KCNJ6: variants seen among roughly 807,000 people sequenced by gnomAD.
KCNJ6 encodes the protein G protein-activated inward rectifier potassium channel 2.
In KCNJ6, 9 loss-of-function variants were observed where a neutral mutation model predicts 34.2. That is an observed-to-expected ratio of 0.26 (90% CI 0.16 to 0.46). The LOEUF (loss-of-function observed/expected upper bound fraction) is 0.46, where lower values mean the gene tolerates loss of function less well. Among genes scored for constraint, KCNJ6 ranks in the 20% least tolerant of loss-of-function variants. The pLI, the probability that KCNJ6 is intolerant of heterozygous loss-of-function variation, is 1.00. For missense variants in KCNJ6, 236 were observed against 531.3 expected (o/e 0.44, Z 5.46); for synonymous variants, 196 against 207.1 (o/e 0.95, Z 0.46).
At position 37,619,641 on chromosome 21, in the gene KCNJ6, T is replaced by A. The variant is rs1388952419; in HGVS notation, c.*5518A>T. On this transcript the variant is annotated 3_prime_UTR_variant, in exon 4 of 4. Transcript: ENST00000609713. ...TAGCAAGAAAACAGAGGGAGACATC[T>A]GGGCCACCTATTTAACTCTCCTCCA... 6.6e-6 allele frequency: 1 copy of A among 152,216 alleles called. No homozygotes were observed. Among genetic ancestry groups the A allele is most frequent in the African/African-American group, 2.4e-5 (1 of 41,444 alleles). The allele number at this position is 152,216 out of a possible 1,614,324, so 9.4% of individuals were successfully genotyped here.
intron 3 of KCNJ6, among the ~76,000 whole-genome samples, chr21:37,640,398 A>G (rs2054375767): frequency 6.6e-6 from 1 of 152,254 alleles, no homozygotes; most frequent in Non-Finnish European, 1.5e-5. Context: ...TATAGGTGCT[A>G]TCACATCAAT....
chr21:37,815,660 G>A (rs1490675723), intron 2 of KCNJ6, among the ~76,000 whole-genome samples: 1 of 152,284 alleles, frequency 6.6e-6, no homozygotes, highest in East Asian at 1.9e-4. Flanking sequence ...TAGACAAGGT[G>A]GTCTATGGAA....
intron 2 of KCNJ6, among the ~76,000 whole-genome samples, chr21:37,729,402 T>C (rs946239434): frequency 6.6e-6 from 1 of 152,058 alleles, no homozygotes; most frequent in Non-Finnish European, 1.5e-5. Context: ...CAGCTCACTG[T>C]AGCCTCAACC....
At chr21:37,880,975 T>C (rs2055704743) in intron 1 of KCNJ6, among the ~76,000 whole-genome samples, 1 of 152,168 alleles carries the variant, frequency 6.6e-6, no homozygotes, top group African/African-American at 2.4e-5. Context: ...AATTAAAATC[T>C]GACAAGAAAA....
intron 2 of KCNJ6, among the ~76,000 whole-genome samples, chr21:37,766,488 T>C (rs1299439433): frequency 1.3e-5 from 2 of 152,078 alleles, no homozygotes; most frequent in African/African-American, 4.8e-5. Context: ...CATCTACAGC[T>C]GAAGTCAGAA....
chr21:37,686,316 G>C (rs1039938264), intron 3 of KCNJ6, among the ~76,000 whole-genome samples: 1 of 152,118 alleles, frequency 6.6e-6, no homozygotes, highest in African/African-American at 2.4e-5. Context: ...GATGGAGGGA[G>C]ACTCATCACT....
At chr21:37,719,018 G>A (rs1395401849) in intron 2 of KCNJ6, among the ~76,000 whole-genome samples, 1 of 152,138 alleles carries the variant, frequency 6.6e-6, no homozygotes, top group African/African-American at 2.4e-5. Flanking sequence ...GCAGCTGGTG[G>A]GATGAACAGG....
chr21:37,760,819 T>C (rs919415171), intron 2 of KCNJ6, among the ~76,000 whole-genome samples: 3 of 152,158 alleles, frequency 2.0e-5, no homozygotes, highest in Non-Finnish European at 2.9e-5. Flanking sequence ...TCACCTGGGC[T>C]GGGAATGAAG....
intron 3 of KCNJ6, among the ~76,000 whole-genome samples, chr21:37,653,803 G>GGT (rs1314426640): frequency 1.3e-5 from 2 of 152,264 alleles, no homozygotes; most frequent in East Asian, 3.9e-4. Flanking sequence ...GGTTGCACAA[G>GGT]GTAAGCATAT....
chr21:37,715,291 G>T (rs550979677), intron 2 of KCNJ6, among the ~76,000 whole-genome samples, 160 bp from the exon 3 acceptor site: 1 of 152,294 alleles, frequency 6.6e-6, no homozygotes, highest in South Asian at 2.1e-4. Context: ...ATCTGGATAG[G>T]CCTCTAGTTG....
At chr21:37,899,938 G>C (rs2055808510) in intron 1 of KCNJ6, among the ~76,000 whole-genome samples, 1 of 152,186 alleles carries the variant, frequency 6.6e-6, no homozygotes, top group African/African-American at 2.4e-5. Flanking sequence ...AGTTCGTGTG[G>C]CTGGGAGGCT....
chr21:37,749,000 C>G (rs941897989), intron 2 of KCNJ6, among the ~76,000 whole-genome samples: 2 of 152,154 alleles, frequency 1.3e-5, no homozygotes, highest in Non-Finnish European at 2.9e-5. Context: ...CACATTTCAT[C>G]TAGATGTATA....
At chr21:37,747,120 G>A (rs915199381) in intron 2 of KCNJ6, among the ~76,000 whole-genome samples, 5 of 152,212 alleles carry the variant, frequency 3.3e-5, no homozygotes, top group African/African-American at 1.2e-4. Flanking sequence ...GGGGAATGGA[G>A]GCAGAGGAAA....
intron 1 of KCNJ6, among the ~76,000 whole-genome samples, chr21:37,850,200 G>A (rs199653311): frequency 1.1e-4 from 17 of 152,088 alleles, no homozygotes; most frequent in East Asian, 3.9e-4. Context: ...GGTAGGTTGC[G>A]GGGTGCCAGG....
At chr21:37,753,458 C>T (rs141888787) in intron 2 of KCNJ6, among the ~76,000 whole-genome samples, 39 of 152,220 alleles carry the variant, frequency 2.6e-4, no homozygotes, top group African/African-American at 3.9e-4. Flanking sequence ...GTGTTCTGTT[C>T]GCACATCAAG....
At chr21:37,840,575 C>T (rs941079349) in intron 2 of KCNJ6, 83 bp downstream of exon 2, 3 of 886,212 alleles carry the variant, frequency 3.4e-6, no homozygotes, top group South Asian at 2.9e-5. Flanking sequence ...CAAATCAGAT[C>T]ATCACACGGG....
chr21:37,864,251 A>G (rs1344690340), intron 1 of KCNJ6, among the ~76,000 whole-genome samples: 1 of 152,026 alleles, frequency 6.6e-6, no homozygotes, highest in Non-Finnish European at 1.5e-5. Flanking sequence ...AGCTGGGACA[A>G]CAAGTGTGCA....
At chr21:37,774,620 A>G (rs984479117) in intron 2 of KCNJ6, among the ~76,000 whole-genome samples, 5 of 149,652 alleles carry the variant, frequency 3.3e-5, no homozygotes, top group Non-Finnish European at 7.4e-5. Context: ...TGTCCTTGCC[A>G]TAGTTTGCTG....
chr21:37,751,034 A>C (rs2054992692), intron 2 of KCNJ6, among the ~76,000 whole-genome samples: 1 of 152,214 alleles, frequency 6.6e-6, no homozygotes, highest in Non-Finnish European at 1.5e-5. Flanking sequence ...AAATGAGAGA[A>C]TCTCAAATGT....
Sources: allele counts gnomAD v4.1 joint callset (sites outside exome capture counted in the v4.1 genomes callset), GRCh38; gene constraint gnomAD v4.1.1; transcripts MANE v1.5; gene names NCBI Gene and HGNC (gene_info 2026-07-23, HGNC 2026-07-21).